The following DOK5 variants were observed in gnomAD, a reference collection of about 807,000 sequenced individuals.
DOK5 encodes the protein downstream of tyrosine kinase 5.
In DOK5, 27 loss-of-function variants were observed where a neutral mutation model predicts 43.3. That is an observed-to-expected ratio of 0.62 (90% CI 0.46 to 0.86). DOK5 has a LOEUF of 0.86. DOK5 is among the 40% of genes least tolerant of loss of function. The pLI is 0.00. For synonymous variants in DOK5, 146 were observed against 140.1 expected (o/e 1.04, Z -0.30); for missense variants, 373 against 392.9 (o/e 0.95, Z 0.43).
intron 1 of DOK5, among the ~76,000 whole-genome samples, chr20:54,484,625 T>C (rs986075173): frequency 6.6e-6 from 1 of 152,218 alleles, no homozygotes. Flanking sequence ...AGTCTTCTTA[T>C]ATAGCTGCCC....
At position 54,594,721 on chromosome 20, in the gene DOK5, G is replaced by T. The variant is rs183993251; in HGVS notation, c.599+2916G>T. On this transcript the variant is annotated intron_variant, in intron 5 of 7. Coordinates refer to ENST00000262593, the MANE Select transcript of DOK5 (RefSeq NM_018431.5). Reference sequence around the variant, plus strand: ...TACAGGAAATAGTAGTAGAAAAAAAGTATAGCTTTTTATGGTAATGTTTGA... The same window carrying T: ...TACAGGAAATAGTAGTAGAAAAAAATTATAGCTTTTTATGGTAATGTTTGA... Among the ~76,000 whole-genome samples the T allele has an allele frequency of 3.3e-5, 5 of 152,214 alleles. No individual in the cohort carries two copies. In the East Asian group the frequency reaches 9.6e-4, roughly 29 times the overall value.
chr20:54,558,523 A>C (rs6014053), intron 2 of DOK5, among the ~76,000 whole-genome samples: 1 of 152,022 alleles, frequency 6.6e-6, no homozygotes, highest in Admixed American at 6.5e-5. Flanking sequence ...GGGGCACATA[A>C]AAAGCTGGAG....
chr20:54,649,935 T>A (rs1167742810), intron 7 of DOK5, among the ~76,000 whole-genome samples: 1 of 152,228 alleles, frequency 6.6e-6, no homozygotes, highest in Admixed American at 6.5e-5. Context: ...AGGGATCTTG[T>A]GTGTTGCCTT....
intron 6 of DOK5, among the ~76,000 whole-genome samples, chr20:54,619,657 CT>C (rs1033272924): frequency 6.6e-6 from 1 of 152,114 alleles, no homozygotes; most frequent in Admixed American, 6.5e-5. Context: ...TCAATCTGAA[CT>C]TTTTTTTGTC....
chr20:54,597,711 A>G (rs111802612), intron 5 of DOK5, among the ~76,000 whole-genome samples: 13 of 152,324 alleles, frequency 8.5e-5, no homozygotes, highest in African/African-American at 2.9e-4. Context: ...GTTCTTAGTT[A>G]ACTTCTGCAG....
chr20:54,614,134 A>G (rs2146797374), intron 6 of DOK5, among the ~76,000 whole-genome samples: 1 of 152,218 alleles, frequency 6.6e-6, no homozygotes, highest in Admixed American at 6.5e-5. Flanking sequence ...GTATGCATCA[A>G]TGACTATCTG....
chr20:54,502,914 C>T (rs746598646), intron 1 of DOK5, among the ~76,000 whole-genome samples: 2 of 151,930 alleles, frequency 1.3e-5, no homozygotes, highest in African/African-American at 2.4e-5. Context: ...AGATTTTTTT[C>T]CTTAATAACT....
chr20:54,513,507 G>A (rs193220486), intron 1 of DOK5, among the ~76,000 whole-genome samples: 4 of 148,798 alleles, frequency 2.7e-5, no homozygotes, highest in Admixed American at 2.7e-4. Context: ...CCATTTGTAG[G>A]CCACCATTTT....
At chr20:54,504,842 C>T (rs1012754060) in intron 1 of DOK5, among the ~76,000 whole-genome samples, 4 of 152,164 alleles carry the variant, frequency 2.6e-5, no homozygotes, top group Non-Finnish European at 5.9e-5. Flanking sequence ...GAGAAAAAAG[C>T]ATAGTTTGGC....
At position 54,588,773 on chromosome 20, in the gene DOK5, T is replaced by C. The variant is rs1378908539; in HGVS notation, c.376T>C (p.Leu126=). ...TGACATCAGCCTTGGAGAGCCTGAC[T>C]TACTGGCCACTGGGGTTGAGAGAGA... is the stretch of plus-strand genomic sequence containing the variant. ...INDISLGEPD[L]LATGVEREQS... is the part of the protein sequence containing the mutation. The change falls in exon 4 of 8, where the codon TTA becomes CTA. Residue 126 remains leucine, a synonymous_variant. Coordinates refer to ENST00000262593, the MANE Select transcript of DOK5 (RefSeq NM_018431.5). 6.2e-7 allele frequency: 1 copy of C among 1,614,070 alleles called. No homozygotes were observed. Among genetic ancestry groups the C allele is most frequent in the South Asian group, 1.1e-5 (1 of 91,078 alleles).
At chr20:54,638,145 C>A (rs1172359942) in intron 6 of DOK5, among the ~76,000 whole-genome samples, 2 of 147,774 alleles carry the variant, frequency 1.4e-5, no homozygotes, top group East Asian at 4.0e-4. Flanking sequence ...AAAGATAATC[C>A]CTACTTTTCA....
rs144221664 is a variant in DOK5 at position 54,492,576 on chromosome 20, TTACTCTTACACAGTTGTG to T, written c.66+16568_66+16585del. Among the ~76,000 whole-genome samples, 698 of 152,050 alleles carry T rather than the reference TTACTCTTACACAGTTGTG, an allele frequency of 4.6e-3. 4 individuals carry two copies. Among genetic ancestry groups the T allele is most frequent in the African/African-American group, 0.016 (677 of 41,464 alleles). On this transcript the variant is annotated intron_variant, in intron 1 of 7. Coordinates refer to ENST00000262593, the MANE Select transcript of DOK5 (RefSeq NM_018431.5). ...CTAAGATAAGTCCTAAAAAAAAGAG[TTACTCTTACACAGTTGTG>T]TACATTTACACTTTTGAGGAATAAA... is the stretch of plus-strand genomic sequence containing the variant.
At chr20:54,619,654 G>A in intron 6 of DOK5, among the ~76,000 whole-genome samples, 1 of 152,122 alleles carries the variant, frequency 6.6e-6, no homozygotes, top group African/African-American at 2.4e-5. Context: ...AGTTCAATCT[G>A]AACTTTTTTT....
chr20:54,585,585 T>C (rs926841283), intron 2 of DOK5, among the ~76,000 whole-genome samples: 1 of 152,114 alleles, frequency 6.6e-6, no homozygotes, highest in South Asian at 2.1e-4. Context: ...AAGAAAGAAG[T>C]CTTAAAATGA....
chr20:54,551,110 G>C (rs1568779440), intron 1 of DOK5, among the ~76,000 whole-genome samples: 2 of 152,142 alleles, frequency 1.3e-5, no homozygotes, highest in Admixed American at 1.3e-4. Flanking sequence ...GTGTGTATTG[G>C]TAGCCATTGT....
intron 6 of DOK5, among the ~76,000 whole-genome samples, chr20:54,619,846 A>G (rs2146804293): frequency 6.6e-6 from 1 of 152,338 alleles, no homozygotes; most frequent in Non-Finnish European, 1.5e-5. Flanking sequence ...GCTTTCTTAG[A>G]TATAGAAGGC....
intron 2 of DOK5, among the ~76,000 whole-genome samples, chr20:54,572,285 C>T (rs760910078): frequency 1.3e-5 from 2 of 151,982 alleles, no homozygotes; most frequent in African/African-American, 4.8e-5. Context: ...CTCAGCCTCC[C>T]GTGTAGCTGG....
intron 1 of DOK5, among the ~76,000 whole-genome samples, chr20:54,553,578 T>G (rs566305459): frequency 6.6e-6 from 1 of 151,138 alleles, no homozygotes; most frequent in South Asian, 2.1e-4. Flanking sequence ...CTCAGACATT[T>G]GCCATCAGTA....
intron 1 of DOK5, among the ~76,000 whole-genome samples, chr20:54,538,866 A>G (rs1269641691): frequency 1.3e-5 from 2 of 152,256 alleles, no homozygotes; most frequent in African/African-American, 2.4e-5. Context: ...CATTAGTACA[A>G]TGGAATATCA....
Sources: allele counts gnomAD v4.1 joint callset (sites outside exome capture counted in the v4.1 genomes callset), GRCh38; gene constraint gnomAD v4.1.1; transcripts MANE v1.5; gene names NCBI Gene and HGNC (gene_info 2026-07-23, HGNC 2026-07-21).